Variants in LAMB4 observed in about 807,000 individuals in gnomAD.
LAMB4 encodes the protein laminin subunit beta 4.
In LAMB4, 196 loss-of-function variants were observed where a neutral mutation model predicts 199.2. The observed-to-expected ratio is 0.98, with a 90% CI of 0.88 to 1.11. The LOEUF is 1.11. Ranked by LOEUF, LAMB4 falls within the 50% of genes least tolerant of loss-of-function variation. The pLI is 0.00. For synonymous variants in LAMB4, 744 were observed against 770.6 expected (o/e 0.97, Z 0.57); for missense variants, 2,080 against 2,171.2 (o/e 0.96, Z 0.83).
intron 33 of LAMB4, among the ~76,000 whole-genome samples, chr7:108,025,405 C>CTTTTCTTTTCT (rs1554420548): frequency 4.1e-4 from 52 of 126,810 alleles, no homozygotes; most frequent in African/African-American, 1.6e-3. Context: ...TTCTTTCTTT[C>CTTTTCTTTTCT]TTTCTTTCTT....
At chr7:108,111,499 C>T (rs1433778816) in intron 4 of LAMB4, among the ~76,000 whole-genome samples, 2 of 152,244 alleles carry the variant, frequency 1.3e-5, no homozygotes, top group Admixed American at 1.3e-4. Flanking sequence ...TTTACCAACA[C>T]TTCATAAACT....
At chr7:108,129,798 G>A (rs758925258) in intron 1 of LAMB4, among the ~76,000 whole-genome samples, 2 of 152,076 alleles carry the variant, frequency 1.3e-5, no homozygotes, top group Non-Finnish European at 1.5e-5. Context: ...CAGAGGGCTG[G>A]GATTACAGGC....
At chr7:108,012,441 C>A in the LAMB4 span, among the ~76,000 whole-genome samples, 1,056 of 152,134 alleles carry the variant, frequency 6.9e-3, 9 homozygotes, top group South Asian at 0.026. Flanking sequence ...TAAACACAAA[C>A]GTAAAAATTC....
In LAMB4 at chr7:108,041,732, TG is replaced by T. The variant is rs1563039251; in HGVS notation, c.4471+2019del. Reference sequence around the variant, plus strand: ...ACACATAGAGGGGAACAACACACACTGGGGCCTTTTGGAAGGTGGAGGGTGG... The same window carrying T: ...ACACATAGAGGGGAACAACACACACTGGGCCTTTTGGAAGGTGGAGGGTGG... On this transcript the variant is annotated intron_variant, in intron 29 of 33. Coordinates refer to ENST00000388781, the MANE Select transcript of LAMB4 (RefSeq NM_007356.3). Among the ~76,000 whole-genome samples, 3 of 152,154 alleles carry T rather than the reference TG, an allele frequency of 2.0e-5. No homozygotes were observed. The South Asian group carries it at 6.2e-4, about 32-fold the overall frequency.
At chr7:108,024,401 CAT>C (rs1173580843) in intron 33 of LAMB4, among the ~76,000 whole-genome samples, 1 of 152,128 alleles carries the variant, frequency 6.6e-6, no homozygotes, top group Non-Finnish European at 1.5e-5. Flanking sequence ...TATCTAAAGG[CAT>C]TTATCAATGT....
At chr7:108,069,167 G>A (rs551780995) in intron 18 of LAMB4, among the ~76,000 whole-genome samples, 1 of 152,184 alleles carries the variant, frequency 6.6e-6, no homozygotes, top group Non-Finnish European at 1.5e-5. Flanking sequence ...TGTCCCTTAG[G>A]TGACATTTGA....
chr7:108,021,695 G>A (rs1268052711), downstream of LAMB4, among the ~76,000 whole-genome samples: 1 of 151,654 alleles, frequency 6.6e-6, no homozygotes, highest in East Asian at 1.9e-4. Context: ...GGCAACAAGA[G>A]CAAAACTTTG....
At chr7:108,012,336 C>T in the LAMB4 span, among the ~76,000 whole-genome samples, 29,841 of 152,020 alleles carry the variant, frequency 0.2, 3,074 homozygotes, top group Middle Eastern at 0.26. Context: ...TTATGGGATA[C>T]GTGGACTGTA....
Position 108,063,951 on chromosome 7 carries a change from A to G in LAMB4, c.2871T>C (p.Tyr957=). ...TQCGECSTGF[Y]GNPRISGAPC... Reference sequence around the variant, plus strand: ...GTGCTCCTGAAATTCTTGGATTTCCATAGAAACCAGTAGAGCATTCTCCAC... The same window carrying G: ...GTGCTCCTGAAATTCTTGGATTTCCGTAGAAACCAGTAGAGCATTCTCCAC... Residue 957 remains tyrosine (Y), a synonymous_variant, in exon 22 of 34, where the codon TAT becomes TAC. Transcript: ENST00000388781. 1.2e-6 allele frequency: 2 copies of G among 1,614,170 alleles called. No individual in the cohort carries two copies. Among genetic ancestry groups the G allele is most frequent in the Non-Finnish European group, 1.7e-6 (2 of 1,179,998 alleles).
At chr7:108,058,405 G>C (rs1291344792) in intron 23 of LAMB4, among the ~76,000 whole-genome samples, 1 of 152,180 alleles carries the variant, frequency 6.6e-6, no homozygotes, top group Non-Finnish European at 1.5e-5. Flanking sequence ...TGTACTTCAG[G>C]CTTAATGATT....
At chr7:108,046,350 C>T (rs1056399022) in intron 28 of LAMB4, among the ~76,000 whole-genome samples, 2 of 151,744 alleles carry the variant, frequency 1.3e-5, no homozygotes, top group Non-Finnish European at 2.9e-5. Flanking sequence ...ATCGGCCTCC[C>T]AAAGTGCTGG....
intron 32 of LAMB4, among the ~76,000 whole-genome samples, chr7:108,029,694 G>T (rs1164861254): frequency 6.6e-6 from 1 of 152,204 alleles, no homozygotes; most frequent in Non-Finnish European, 1.5e-5. Flanking sequence ...TAGAAGTGTG[G>T]TATGGAGATC....
At chr7:108,080,028 G>A (rs532897794) in intron 14 of LAMB4, among the ~76,000 whole-genome samples, 22 of 152,118 alleles carry the variant, frequency 1.4e-4, no homozygotes, top group Admixed American at 1.3e-4. Flanking sequence ...GCAGTGTTCC[G>A]GGAAGCGACT....
chr7:108,061,175 A>C (rs1028988836), intron 23 of LAMB4, among the ~76,000 whole-genome samples: 3 of 152,186 alleles, frequency 2.0e-5, no homozygotes, highest in African/African-American at 7.2e-5. Flanking sequence ...AAACTGTCGC[A>C]GCCAAGAGGA....
chr7:108,080,869 A>G (rs2036906574), intron 14 of LAMB4, among the ~76,000 whole-genome samples: 1 of 152,062 alleles, frequency 6.6e-6, no homozygotes, highest in Non-Finnish European at 1.5e-5. Flanking sequence ...CAGGCCTGTA[A>G]TCCCAGCACT....
intron 31 of LAMB4, among the ~76,000 whole-genome samples, chr7:108,031,369 G>GAA (rs371230419): frequency 2.5e-5 from 2 of 81,166 alleles, no homozygotes; most frequent in East Asian, 3.3e-4. Context: ...AAAAGGAAAA[G>GAA]AAAAAAAAAA....
At chr7:108,093,686 C>T (rs1295028602) in intron 12 of LAMB4, among the ~76,000 whole-genome samples, 1 of 151,986 alleles carries the variant, frequency 6.6e-6, no homozygotes. Flanking sequence ...GTATAAAATG[C>T]TAAAAAAAAT....
intron 14 of LAMB4, among the ~76,000 whole-genome samples, chr7:108,086,669 A>G (rs10239874): frequency 6.6e-6 from 1 of 152,180 alleles, no homozygotes; most frequent in Non-Finnish European, 1.5e-5. Context: ...TTGGGCTTTA[A>G]GGGATGAGAA....
intron 29 of LAMB4, among the ~76,000 whole-genome samples, chr7:108,043,123 C>T (rs1478631189): frequency 2.6e-5 from 4 of 152,070 alleles, no homozygotes; most frequent in African/African-American, 9.6e-5. Context: ...TGGTCAGCCA[C>T]AGAGAACCAA....
Sources: allele counts gnomAD v4.1 joint callset (sites outside exome capture counted in the v4.1 genomes callset), GRCh38; gene constraint gnomAD v4.1.1; transcripts MANE v1.5; gene names NCBI Gene and HGNC (gene_info 2026-07-23, HGNC 2026-07-21).